ZNF680: variants seen among roughly 807,000 people sequenced by gnomAD.
ZNF680 encodes hypothetical protein FLJ90430.
Under a neutral mutation model 12.1 loss-of-function variants are expected in ZNF680, and 6 were observed. The observed-to-expected ratio is 0.49, with a 90% CI of 0.27 to 0.98. The LOEUF (loss-of-function observed/expected upper bound fraction) is 0.98. Ranked by LOEUF, ZNF680 falls within the 50% of genes least tolerant of loss-of-function variation. The probability of loss-of-function intolerance (pLI) is 0.12; values close to 1 mark genes in which losing one functional copy is unlikely to be tolerated. For synonymous variants in ZNF680, 170 were observed against 199.3 expected, an observed-to-expected ratio of 0.85 and a Z score of 1.24; for missense variants, 561 against 616.3, an observed-to-expected ratio of 0.91 and a Z score of 0.95.
chr7:64,542,653 T>TA (rs1786566375), intron 3 of ZNF680, among the ~76,000 whole-genome samples: 1 of 151,924 alleles, frequency 6.6e-6, no homozygotes, highest in Non-Finnish European at 1.5e-5. Context: ...AACAAGGAGG[T>TA]AAAAAAATCT....
At chr7:64,540,881 G>A (rs535916449) in intron 3 of ZNF680, among the ~76,000 whole-genome samples, 92 of 151,980 alleles carry the variant, frequency 6.1e-4, no homozygotes, top group African/African-American at 1.5e-3. Context: ...ATTGGCATGC[G>A]CTGTGTTGCA....
intron 1 of ZNF680, among the ~76,000 whole-genome samples, chr7:64,557,054 T>A (rs1189914171): frequency 2.0e-5 from 3 of 151,656 alleles, no homozygotes; most frequent in African/African-American, 7.3e-5. Flanking sequence ...ATTGAGACCA[T>A]CCTGGCAAAC....
At chr7:64,530,542 G>A (rs181440161) in intron 3 of ZNF680, among the ~76,000 whole-genome samples, 1 of 152,112 alleles carries the variant, frequency 6.6e-6, no homozygotes, top group Non-Finnish European at 1.5e-5. Flanking sequence ...AAACTTTAAA[G>A]CAGCTGCAGT....
At chr7:64,542,272 A>G (rs1379854252) in intron 3 of ZNF680, among the ~76,000 whole-genome samples, 1 of 152,178 alleles carries the variant, frequency 6.6e-6, no homozygotes, top group Non-Finnish European at 1.5e-5. Context: ...ATAAAAACTT[A>G]AAGAGGTGTT....
chr7:64,526,468 A>G (rs1310117685), intron 3 of ZNF680: 1 of 1,307,150 alleles, frequency 7.7e-7, no homozygotes, highest in Non-Finnish European at 1.1e-6. Context: ...AGGCAGTAAG[A>G]TAACTTGAGA....
the ZNF680 span, among the ~76,000 whole-genome samples, chr7:64,503,637 C>G: frequency 1.3e-5 from 2 of 152,156 alleles, no homozygotes; most frequent in Admixed American, 1.3e-4. Context: ...CACCTTGCCT[C>G]GCAAAGTGCT....
intron 1 of ZNF680, among the ~76,000 whole-genome samples, chr7:64,557,195 G>A (rs1787461788): frequency 6.6e-6 from 1 of 151,726 alleles, no homozygotes; most frequent in East Asian, 1.9e-4. Flanking sequence ...AGCTTGCAGT[G>A]AGCCAAGATC....
chr7:64,499,100 G>T, the ZNF680 span, among the ~76,000 whole-genome samples: 157 of 152,138 alleles, frequency 1.0e-3, no homozygotes, highest in African/African-American at 3.6e-3. Context: ...TTTTATTTTG[G>T]CATTTTTTGG....
intron 3 of ZNF680, chr7:64,524,918 G>A (rs1353556347): frequency 6.6e-6 from 1 of 152,052 alleles, no homozygotes; most frequent in African/African-American, 2.4e-5. Context: ...ATACACTCTT[G>A]AGCATGCTTG....
At chr7:64,507,034 T>C in the ZNF680 span, among the ~76,000 whole-genome samples, 1 of 152,214 alleles carries the variant, frequency 6.6e-6, no homozygotes, top group African/African-American at 2.4e-5. Flanking sequence ...AGACATGACT[T>C]TTTCAACCAA....
rs1451404799 is a variant in ZNF680, at chr7:64,522,024, C to A, written c.730G>T (p.Gly244Cys). Residue 244 changes from glycine (G) to cysteine (C), a missense_variant, in exon 4 of 4, where the codon GGC becomes TGC. Transcript: ENST00000309683. The part of the protein sequence containing the change: ...GEKPYKCEEC[G>C]KAFNQSSTLI... ...GTTGAGGATTGGTTAAAGGCTTTGC[C>A]ACATTCCTCACATTTGTAGGGTTTC... 27 of 1,612,898 alleles carry A rather than the reference C, an allele frequency of 1.7e-5. No individual in the cohort carries two copies. Among genetic ancestry groups the A allele is most frequent in the Non-Finnish European group, 2.3e-5 (27 of 1,179,562 alleles).
chr7:64,544,444 ACAC>A lies in ZNF680; in HGVS notation c.31-15_31-13del. 1.0e-6 allele frequency: 1 copy of A among 994,764 alleles called. No homozygotes were observed. Among genetic ancestry groups the A allele is most frequent in the Non-Finnish European group, 1.4e-6 (1 of 709,948 alleles). The allele number at this position is 994,764 out of a possible 1,614,324, so 61.6% of individuals were successfully genotyped here. ...AATGTCAGTGGTCCCTGAAAAACAC[ACAC>A]ACACACACACACACACACACACACT... On this transcript the variant is annotated splice_polypyrimidine_tract_variant and intron_variant, in intron 1 of 3. Coordinates refer to ENST00000309683, the MANE Select transcript of ZNF680 (RefSeq NM_178558.5).
chr7:64,553,676 A>G (rs1388365861), intron 1 of ZNF680, among the ~76,000 whole-genome samples: 1 of 152,196 alleles, frequency 6.6e-6, no homozygotes, highest in Non-Finnish European at 1.5e-5. Context: ...GGCTCACTGC[A>G]ACCTCCCTGC....
At chr7:64,506,063 CCA>C in the ZNF680 span, among the ~76,000 whole-genome samples, 1 of 151,958 alleles carries the variant, frequency 6.6e-6, no homozygotes, top group Non-Finnish European at 1.5e-5. Context: ...TAATTTCACA[CCA>C]CAGTTACAGT....
chr7:64,544,799 T>C (rs960446804), intron 1 of ZNF680, among the ~76,000 whole-genome samples: 3 of 152,224 alleles, frequency 2.0e-5, no homozygotes, highest in East Asian at 3.8e-4. Context: ...AATTAGAAGG[T>C]ACATCTCAAA....
chr7:64,541,344 T>C (rs902616403), intron 3 of ZNF680, among the ~76,000 whole-genome samples: 1 of 152,070 alleles, frequency 6.6e-6, no homozygotes, highest in Non-Finnish European at 1.5e-5. Context: ...ATCAGTAAGA[T>C]GGAAAAATAA....
At chr7:64,508,517 A>C in the ZNF680 span, among the ~76,000 whole-genome samples, 30,170 of 151,930 alleles carry the variant, frequency 0.2, 3,362 homozygotes, top group South Asian at 0.28. Flanking sequence ...TTTCCTGTAC[A>C]CTCGCTACGT....
Position 64,522,132 on chromosome 7 carries a change from T to A in ZNF680, c.622A>T (p.Asn208Tyr). The change falls in exon 4 of 4, where the codon AAT (asparagine) becomes TAT (tyrosine). Residue 208 changes from asparagine to tyrosine, a missense_variant. By Grantham distance (143) the Asn-to-Tyr change is moderately radical. Transcript: ENST00000309683. ...CCACATTCCTCACATTTGTAAGAAT[T>A]CTCTCTAGTGTGAATTCTTATATGT... is the stretch of plus-strand genomic sequence containing the variant. The part of the protein sequence containing the change: ...TQHIRIHTRE[N>Y]SYKCEECGKV... The A allele has an allele frequency of 6.2e-7, 1 of 1,611,712 alleles. No individual in the cohort carries two copies. Among genetic ancestry groups the A allele is most frequent in the African/African-American group, 1.3e-5 (1 of 74,926 alleles).
chr7:64,513,022 C>A, the ZNF680 span, among the ~76,000 whole-genome samples: 1 of 152,266 alleles, frequency 6.6e-6, no homozygotes, highest in Admixed American at 6.5e-5. Flanking sequence ...AGGTTGTAAA[C>A]TGCTCCTTTG....
Sources: gnomAD v4.1 joint callset for allele counts (sites outside exome capture counted in the v4.1 genomes callset) on GRCh38, gnomAD v4.1.1 for gene constraint, MANE v1.5 for transcripts, NCBI Gene and HGNC (gene_info 2026-07-23, HGNC 2026-07-21) for gene names.